Variants in CRYBB2 observed in about 807,000 individuals in gnomAD.
CRYBB2 encodes beta-crystallin B2.
CRYBB2 carries 12 observed loss-of-function variants against 24.3 expected under a neutral mutation model. The ratio of observed to expected loss-of-function variants is 0.49; its 90% CI spans 0.32 to 0.80. The LOEUF (loss-of-function observed/expected upper bound fraction) is 0.80. Among genes scored for constraint, CRYBB2 ranks in the 30% least tolerant of loss-of-function variants. The pLI, the probability that CRYBB2 is intolerant of heterozygous loss-of-function variation, is 0.04. For missense variants in CRYBB2, 198 were observed against 268.5 expected, an observed-to-expected ratio of 0.74 and a Z score of 1.83; for synonymous variants, 98 against 101.6, an observed-to-expected ratio of 0.96 and a Z score of 0.21.
chr22:25,227,930 C>T lies in CRYBB2; in HGVS notation c.251C>T (p.Ser84Leu), dbSNP rs754215073. The T allele has an allele frequency of 9.3e-6, 15 of 1,614,166 alleles. No individual in the cohort carries two copies. Among genetic ancestry groups the T allele is most frequent in the Non-Finnish European group, 1.3e-5 (15 of 1,180,030 alleles). ...FEKGEYPRWD[S>L]WTSSRRTDSL... ...AAGGGTGAGTACCCCCGCTGGGACTCATGGACCAGCAGCCGAAGGACGGAC... is the reference window on the plus strand; with the variant it reads ...AAGGGTGAGTACCCCCGCTGGGACTTATGGACCAGCAGCCGAAGGACGGAC... The change falls in exon 4 of 6, where the codon TCA (serine) becomes TTA (leucine). Residue 84 changes from serine (S) to leucine (L), a missense_variant. By Grantham distance (145) the Ser-to-Leu change is moderately radical (BLOSUM62 -2). Coordinates refer to ENST00000398215, the MANE Select transcript of CRYBB2 (RefSeq NM_000496.3).
upstream of CRYBB2, among the ~76,000 whole-genome samples, chr22:25,218,844 GAAAGAAAGAAAGAAAAGAAAGAGAAAC>G (rs1935271343): frequency 1.7e-5 from 2 of 119,716 alleles, no homozygotes; most frequent in African/African-American, 7.2e-5. Flanking sequence ...GAAAGAGAAA[GAAAGAAAGAAAGAAAAGAAAGAGAAAC>G]AGCCAGGGGC....
rs75054149 is a variant in CRYBB2 at position 25,226,409 on chromosome 22, C to T, written c.173+1373C>T. On this transcript the variant is annotated intron_variant, in intron 3 of 5. Transcript: ENST00000398215. Reference sequence around the variant, plus strand: ...GAGGTTCTTGGGCCCCACTTAAGCCCCACTAAATCAAACTGAGCTCTGGAG... The same window carrying T: ...GAGGTTCTTGGGCCCCACTTAAGCCTCACTAAATCAAACTGAGCTCTGGAG... Among the ~76,000 whole-genome samples the T allele has an allele frequency of 4.3e-3, 649 of 152,200 alleles. 8 individuals carry two copies. The highest frequency in any genetic ancestry group is 0.015 in the African/African-American group (617 of 41,520).
At position 25,219,879 on chromosome 22, in the gene CRYBB2, C is replaced by T. The variant is rs1454967850; in HGVS notation, c.-27+213C>T. 2.6e-5 allele frequency among the ~76,000 whole-genome samples: 4 copies of T among 152,154 alleles called. 1 individual carries two copies. Among genetic ancestry groups the T allele is most frequent in the Admixed American group, 1.3e-4 (2 of 15,280 alleles). ...AGTTAGGGGATCATCCAGCACAGTG[C>T]CTGGCACACAGTGGGCATTGGGGCA... is the stretch of plus-strand genomic sequence containing the variant. On this transcript the variant is annotated intron_variant, in intron 1 of 5. Coordinates refer to ENST00000398215, the MANE Select transcript of CRYBB2 (RefSeq NM_000496.3).
At chr22:25,227,789 G>A (rs1043865332) in intron 3 of CRYBB2, 64 bp from the exon 4 acceptor site, 22 of 1,612,158 alleles carry the variant, frequency 1.4e-5, no homozygotes, top group Admixed American at 3.3e-5. Flanking sequence ...CAGTAGCCAG[G>A]ATTCTGCCAT....
chr22:25,218,534 C>T (rs1005726940), upstream of CRYBB2, among the ~76,000 whole-genome samples: 3 of 151,006 alleles, frequency 2.0e-5, no homozygotes, highest in South Asian at 2.1e-4. Flanking sequence ...GACCTGGTGG[C>T]GCACACCTGT....
upstream of CRYBB2, chr22:25,219,472 A>C (rs1462045745): frequency 6.6e-6 from 1 of 152,252 alleles, no homozygotes; most frequent in Admixed American, 6.5e-5. Context: ...AGCTAATGAC[A>C]TTATTGTGCA....
chr22:25,230,870 C>G (rs1371993112), intron 5 of CRYBB2, among the ~76,000 whole-genome samples: 2 of 151,630 alleles, frequency 1.3e-5, no homozygotes, highest in African/African-American at 2.4e-5. Context: ...AGAAAAGATT[C>G]TTGAGCTGAG....
upstream of CRYBB2, among the ~76,000 whole-genome samples, chr22:25,217,986 G>A (rs940623651): frequency 3.9e-5 from 6 of 152,160 alleles, no homozygotes; most frequent in Admixed American, 1.3e-4. Context: ...AAGGCCGGGC[G>A]CGGTGGCTCA....
intron 5 of CRYBB2, among the ~76,000 whole-genome samples, chr22:25,230,465 C>T (rs1038734262): frequency 1.2e-4 from 18 of 152,206 alleles, no homozygotes; most frequent in African/African-American, 4.3e-4. Flanking sequence ...CTGGAACGGA[C>T]TCTTAAATTT....
upstream of CRYBB2, among the ~76,000 whole-genome samples, chr22:25,218,245 C>A (rs192042004): frequency 2.9e-5 from 4 of 138,380 alleles, no homozygotes; most frequent in African/African-American, 8.1e-5. Flanking sequence ...GGCGACAGAG[C>A]GAGACTCCAT....
intron 3 of CRYBB2, among the ~76,000 whole-genome samples, chr22:25,226,057 A>C (rs1935407660): frequency 6.6e-6 from 1 of 152,188 alleles, no homozygotes; most frequent in Admixed American, 6.6e-5. Context: ...TTTATTAATT[A>C]TCGTTTATTT....
At position 25,231,720 on chromosome 22, in the gene CRYBB2, G is replaced by A. The variant is rs780315763; in HGVS notation, c.566G>A (p.Arg189His). The change falls in exon 6 of 6, where the codon CGT becomes CAT. Residue 189 changes from arginine (R) to histidine (H), a missense_variant. Coordinates refer to ENST00000398215, the MANE Select transcript of CRYBB2 (RefSeq NM_000496.3). Reference protein sequence around the residue: ...APHPQVQSVRRIRDMQWHQRG... With the variant: ...APHPQVQSVRHIRDMQWHQRG... ...CACCCCCAGGTGCAGTCCGTGCGCC[G>A]TATCCGCGACATGCAGTGGCACCAA... is the stretch of plus-strand genomic sequence containing the variant. The A allele has an allele frequency of 4.0e-5, 65 of 1,613,954 alleles. No individual in the cohort carries two copies. The Admixed American group carries it at 5.7e-4, about 14-fold the overall frequency.
At chr22:25,218,152 G>A (rs940700998), upstream of CRYBB2, among the ~76,000 whole-genome samples, 5 of 152,228 alleles carry the variant, frequency 3.3e-5, no homozygotes, top group East Asian at 5.8e-4. Context: ...CCAGCTACTA[G>A]GGAGGCTGAA....
At chr22:25,215,061 G>A (rs1935150353), upstream of CRYBB2, among the ~76,000 whole-genome samples, 1 of 152,200 alleles carries the variant, frequency 6.6e-6, no homozygotes, top group Non-Finnish European at 1.5e-5. Context: ...GATTACTTTT[G>A]CACCAACCTA....
chr22:25,217,647 A>G (rs1437744312), upstream of CRYBB2, among the ~76,000 whole-genome samples: 1 of 152,210 alleles, frequency 6.6e-6, no homozygotes, highest in African/African-American at 2.4e-5. Context: ...AGTACCTACT[A>G]TGCGTCAGGC....
chr22:25,229,610 C>T (rs1935497347), intron 5 of CRYBB2, 32 bp downstream of exon 5: 2 of 1,612,710 alleles, frequency 1.2e-6, no homozygotes, highest in African/African-American at 1.3e-5. Context: ...GCTCACCCTG[C>T]CCCAGGAACT....
chr22:25,213,004 C>T, intron 1 of CRYBB2, among the ~76,000 whole-genome samples: 1 of 152,230 alleles, frequency 6.6e-6, no homozygotes. Context: ...TGCTTTCTTA[C>T]ATCATCTGTT....
At chr22:25,227,722 G>C in intron 3 of CRYBB2, 131 bp from the exon 4 acceptor site, 1 of 1,492,376 alleles carries the variant, frequency 6.7e-7, no homozygotes, top group Non-Finnish European at 9.2e-7. Context: ...GCTAAGGTTT[G>C]GGTGGGGCTA....
At chr22:25,222,318 A>G (rs113845535) in intron 2 of CRYBB2, among the ~76,000 whole-genome samples, 1 of 152,180 alleles carries the variant, frequency 6.6e-6, no homozygotes, top group African/African-American at 2.4e-5. Flanking sequence ...ATAAATGAAT[A>G]TATGATTTCC....
Sources: allele counts gnomAD v4.1 joint callset (sites outside exome capture counted in the v4.1 genomes callset), GRCh38; gene constraint gnomAD v4.1.1; transcripts MANE v1.5; gene names NCBI Gene and HGNC (gene_info 2026-07-23, HGNC 2026-07-21).